Variants in SLC35B4 observed in about 807,000 individuals in gnomAD.
The protein encoded by SLC35B4 is nucleotide sugar transporter SLC35B4.
In SLC35B4, 28 loss-of-function variants were observed where a neutral mutation model predicts 39.5. The ratio of observed to expected loss-of-function variants is 0.71; its 90% CI spans 0.53 to 0.97. The LOEUF (loss-of-function observed/expected upper bound fraction) is 0.97, where lower values mean the gene tolerates loss of function less well. Ranked by LOEUF, SLC35B4 falls within the 50% of genes least tolerant of loss-of-function variation. The probability of loss-of-function intolerance (pLI) is 0.00; values close to 1 mark genes in which losing one functional copy is unlikely to be tolerated. For missense variants in SLC35B4, 334 were observed against 414.3 expected, an observed-to-expected ratio of 0.81 and a Z score of 1.68; for synonymous variants, 145 against 150.4, an observed-to-expected ratio of 0.96 and a Z score of 0.26.
In SLC35B4 at chr7:134,313,299, T is replaced by C. The variant is rs375615663; in HGVS notation, c.77+3376A>G. ...ATTCCAATTTTTATTTAAAAAAGAA[T>C]GCAACTTTGAAGAGAATGAATTGGG... is the stretch of plus-strand genomic sequence containing the variant. On this transcript the variant is annotated intron_variant, in intron 1 of 9. Transcript: ENST00000378509. 3.5e-4 allele frequency among the ~76,000 whole-genome samples: 54 copies of C among 152,362 alleles called. No homozygotes were observed. The East Asian group carries it at 9.4e-3, about 27-fold the overall frequency.
At chr7:134,305,828 G>C (rs192361231) in intron 3 of SLC35B4, among the ~76,000 whole-genome samples, 17 of 152,012 alleles carry the variant, frequency 1.1e-4, no homozygotes, top group African/African-American at 4.1e-4. Context: ...GTGCCACCAC[G>C]CCCAGCTAAT....
chr7:134,305,354 A>T (rs866840416), intron 3 of SLC35B4, among the ~76,000 whole-genome samples: 2 of 151,070 alleles, frequency 1.3e-5, no homozygotes, highest in Admixed American at 6.6e-5. Flanking sequence ...ATATATATTT[A>T]AAAAACCTTT....
At chr7:134,308,172 G>T (rs183216827) in intron 2 of SLC35B4, among the ~76,000 whole-genome samples, 14 of 152,312 alleles carry the variant, frequency 9.2e-5, no homozygotes, top group African/African-American at 3.1e-4. Flanking sequence ...AGGGCAGGAT[G>T]GGGAGTCTGG....
chr7:134,297,231 G>A (rs1803487757), intron 8 of SLC35B4, among the ~76,000 whole-genome samples: 1 of 152,202 alleles, frequency 6.6e-6, no homozygotes, highest in African/African-American at 2.4e-5. Context: ...AATTCAAAAT[G>A]TATAAATAAT....
At position 134,316,803 on chromosome 7, in the gene SLC35B4, C is replaced by T; in HGVS notation, c.-52G>A. 2.6e-6 allele frequency: 4 copies of T among 1,523,758 alleles called. No homozygotes were observed. Among genetic ancestry groups the T allele is most frequent in the Non-Finnish European group, 3.5e-6 (4 of 1,129,026 alleles). 94.4% of individuals were successfully genotyped at this position (1,523,758 alleles called of 1,614,324 possible). On this transcript the variant is annotated 5_prime_UTR_variant, in exon 1 of 10. Coordinates refer to ENST00000378509, the MANE Select transcript of SLC35B4 (RefSeq NM_032826.5). Reference sequence around the variant, plus strand: ...CGCACAGAGTAAGCGCCCGCCTGTACCGCTACCCCAGGAAGCCGGCCTCCT... The same window carrying T: ...CGCACAGAGTAAGCGCCCGCCTGTATCGCTACCCCAGGAAGCCGGCCTCCT...
At chr7:134,311,369 ATGG>A (rs1803836002) in intron 1 of SLC35B4, among the ~76,000 whole-genome samples, 1 of 152,266 alleles carries the variant, frequency 6.6e-6, no homozygotes, top group African/African-American at 2.4e-5. Flanking sequence ...TGTTTCCCAA[ATGG>A]TCGGCACGGT....
chr7:134,299,351 C>A, intron 8 of SLC35B4, 172 bp downstream of exon 8: 37 of 496,320 alleles, frequency 7.5e-5, no homozygotes, highest in South Asian at 2.2e-4. Flanking sequence ...ATTGAGAAAC[C>A]CCTGTAAAAG....
At chr7:134,295,187 TGAA>T in intron 9 of SLC35B4, 108 bp from the exon 10 acceptor site, 1 of 1,426,980 alleles carries the variant, frequency 7.0e-7, no homozygotes, top group Non-Finnish European at 9.5e-7. Flanking sequence ...TAAGAAAACA[TGAA>T]GGTCCGCTAC....
At chr7:134,295,171 A>C in intron 9 of SLC35B4, 92 bp from the exon 10 acceptor site, 10 of 1,499,178 alleles carry the variant, frequency 6.7e-6, no homozygotes, top group Non-Finnish European at 9.0e-6. Flanking sequence ...TTAACTTCTC[A>C]TATTCTAAGA....
chr7:134,297,049 T>C (rs1362137372), intron 8 of SLC35B4, among the ~76,000 whole-genome samples: 1 of 152,204 alleles, frequency 6.6e-6, no homozygotes, highest in African/African-American at 2.4e-5. Flanking sequence ...GCCTCCCAAG[T>C]AGCTGGGACT....
intron 1 of SLC35B4, among the ~76,000 whole-genome samples, chr7:134,315,365 G>T (rs2117325885): frequency 6.6e-6 from 1 of 152,244 alleles, no homozygotes; most frequent in East Asian, 1.9e-4. Context: ...TCTCTCATCT[G>T]AAAATCTGAA....
intron 9 of SLC35B4, 62 bp from the exon 10 acceptor site, chr7:134,295,141 C>T: frequency 3.8e-6 from 6 of 1,578,382 alleles, no homozygotes; most frequent in Non-Finnish European, 5.2e-6. Context: ...GTGAGAGAAC[C>T]TTCTGGCATG....
At chr7:134,304,399 AG>A (rs1261163019) in intron 4 of SLC35B4, among the ~76,000 whole-genome samples, 1 of 152,196 alleles carries the variant, frequency 6.6e-6, no homozygotes, top group Non-Finnish European at 1.5e-5. Context: ...TCCAAAAAAA[AG>A]AAAAAAAAAT....
At position 134,295,049 on chromosome 7, in the gene SLC35B4, G is replaced by A. The variant is rs553898015; in HGVS notation, c.780C>T (p.Leu260=). Residue 260 remains leucine, a synonymous_variant, in exon 10 of 10, where the codon CTC becomes CTT. Coordinates refer to ENST00000378509, the MANE Select transcript of SLC35B4 (RefSeq NM_032826.5). Reference sequence around the variant, plus strand: ...CGGTGAGGGAGGCGCATTCTGTGGTGAGGATAAACACACCCCGGATGCACA... The same window carrying A: ...CGGTGAGGGAGGCGCATTCTGTGGTAAGGATAAACACACCCCGGATGCACA... ...QYVCIRGVFI[L]TTECASLTVT... 7 of 1,614,036 alleles carry A rather than the reference G, an allele frequency of 4.3e-6. No individual in the cohort carries two copies. The highest frequency in any genetic ancestry group is 4.2e-6 in the Non-Finnish European group (5 of 1,180,046).
intron 3 of SLC35B4, among the ~76,000 whole-genome samples, chr7:134,305,109 G>A (rs543125048): frequency 6.6e-6 from 1 of 152,302 alleles, no homozygotes; most frequent in African/African-American, 2.4e-5. Context: ...ATCACCTGAG[G>A]TCAGGAGCTT....
At chr7:134,297,912 T>C (rs1008752560) in intron 8 of SLC35B4, among the ~76,000 whole-genome samples, 1 of 152,118 alleles carries the variant, frequency 6.6e-6, no homozygotes, top group Non-Finnish European at 1.5e-5. Flanking sequence ...CTCTCACTCT[T>C]ATGTTAGCTT....
chr7:134,294,700 T>C lies in SLC35B4; in HGVS notation c.*133A>G. On this transcript the variant is annotated 3_prime_UTR_variant, in exon 10 of 10. Coordinates refer to ENST00000378509, the MANE Select transcript of SLC35B4 (RefSeq NM_032826.5). ...AGTCTGAGCAACGTGAGAAGTCCCC[T>C]CCTGAAGATTTCCTTTTGCACGGCT... 1 of 1,151,708 alleles carries C rather than the reference T, an allele frequency of 8.7e-7. No individual in the cohort carries two copies. The highest frequency in any genetic ancestry group is 2.5e-5 in the East Asian group (1 of 40,578). 71.3% of individuals were successfully genotyped at this position (1,151,708 alleles called of 1,614,324 possible).
upstream of SLC35B4, among the ~76,000 whole-genome samples, chr7:134,319,157 C>T (rs1804058417): frequency 6.6e-6 from 1 of 152,192 alleles, no homozygotes; most frequent in South Asian, 2.1e-4. Context: ...CTTTCTTCCT[C>T]CCTCATTTTA....
At chr7:134,303,452 C>G (rs1803637313) in intron 4 of SLC35B4, among the ~76,000 whole-genome samples, 1 of 140,642 alleles carries the variant, frequency 7.1e-6, no homozygotes, top group Admixed American at 7.4e-5. Context: ...TGTAATAAAC[C>G]TGACCATCAT....
Sources: gnomAD v4.1 joint callset for allele counts (sites outside exome capture counted in the v4.1 genomes callset) on GRCh38, gnomAD v4.1.1 for gene constraint, MANE v1.5 for transcripts, NCBI Gene and HGNC (gene_info 2026-07-23, HGNC 2026-07-21) for gene names.